TXLNB: variants seen among roughly 807,000 people sequenced by gnomAD.
The protein encoded by TXLNB is beta-taxilin.
A neutral mutation model predicts 57.4 loss-of-function variants in TXLNB; 37 were observed. The ratio of observed to expected loss-of-function variants is 0.64; its 90% CI spans 0.50 to 0.85. The LOEUF (loss-of-function observed/expected upper bound fraction) is 0.85. Ranked by LOEUF, TXLNB falls within the 40% of genes least tolerant of loss-of-function variation. The probability of loss-of-function intolerance (pLI) is 0.00; values close to 1 mark genes in which losing one functional copy is unlikely to be tolerated. For synonymous variants in TXLNB, 302 were observed against 309.6 expected (o/e 0.98, Z 0.26); for missense variants, 848 against 825.6 (o/e 1.03, Z -0.33).
the TXLNB span, among the ~76,000 whole-genome samples, chr6:139,226,074 G>A: frequency 6.6e-6 from 1 of 151,668 alleles, no homozygotes; most frequent in African/African-American, 2.4e-5. Context: ...TGAGGCATGT[G>A]GATCGCTGGA....
chr6:139,213,385 C>T, the TXLNB span, among the ~76,000 whole-genome samples: 3 of 152,086 alleles, frequency 2.0e-5, no homozygotes, highest in Non-Finnish European at 4.4e-5. Context: ...CTACTGGGTA[C>T]ATAACGAAAT....
chr6:139,247,945 C>T (rs537197449), intron 7 of TXLNB, 36 bp from the exon 8 acceptor site: 1 of 1,257,512 alleles, frequency 8.0e-7, no homozygotes, highest in African/African-American at 1.5e-5. Context: ...TTTCAGAATA[C>T]TTCCAGAAGA....
chr6:139,316,349 C>A, the TXLNB span, among the ~76,000 whole-genome samples: 3 of 151,552 alleles, frequency 2.0e-5, no homozygotes, highest in Non-Finnish European at 4.4e-5. Context: ...TTTCTTATCC[C>A]TCCCCTCCCA....
the TXLNB span, among the ~76,000 whole-genome samples, chr6:139,173,037 T>A: frequency 6.6e-6 from 1 of 152,222 alleles, no homozygotes; most frequent in Non-Finnish European, 1.5e-5. Flanking sequence ...GGGAATTGCA[T>A]TGAGTATGCA....
the TXLNB span, among the ~76,000 whole-genome samples, chr6:139,213,242 G>A: frequency 6.6e-6 from 1 of 152,148 alleles, no homozygotes; most frequent in Non-Finnish European, 1.5e-5. Context: ...ACACTCCTCA[G>A]CAAATGTAAA....
the TXLNB span, chr6:139,203,673 A>G: frequency 3.3e-5 from 5 of 152,222 alleles, no homozygotes; most frequent in African/African-American, 1.2e-4. Context: ...TCAGCAGTCT[A>G]ACAATTCTCC....
the TXLNB span, among the ~76,000 whole-genome samples, chr6:139,161,683 C>T: frequency 2.6e-5 from 4 of 152,206 alleles, no homozygotes; most frequent in African/African-American, 9.6e-5. Flanking sequence ...AAGTCAGTCT[C>T]AACATTTACA....
At chr6:139,279,824 T>G (rs1016466401) in intron 2 of TXLNB, among the ~76,000 whole-genome samples, 7 of 152,132 alleles carry the variant, frequency 4.6e-5, no homozygotes, top group Non-Finnish European at 1.0e-4. Flanking sequence ...TAGGAAGGCA[T>G]GTGGGCATGT....
rs1775989263 is a variant in TXLNB at position 139,243,076 on chromosome 6, T to C, written c.1505A>G (p.Asn502Ser). The C allele has an allele frequency of 6.2e-7, 1 of 1,614,014 alleles. No homozygotes were observed. Among genetic ancestry groups the C allele is most frequent in the Non-Finnish European group, 8.5e-7 (1 of 1,180,020 alleles). The change falls in exon 10 of 10, where the codon AAT becomes AGT. Residue 502 changes from asparagine to serine, a missense_variant. Coordinates refer to ENST00000358430, the MANE Select transcript of TXLNB (RefSeq NM_153235.4). ...EVNSVQTAVK[N>S]LATAFMIIHH... ...AATTATCATGAAGGCTGTGGCCAGATTTTTCACGGCGGTTTGGACACTATT... is the reference window on the plus strand; with the variant it reads ...AATTATCATGAAGGCTGTGGCCAGACTTTTCACGGCGGTTTGGACACTATT...
At chr6:139,217,151 G>A in the TXLNB span, among the ~76,000 whole-genome samples, 1 of 152,178 alleles carries the variant, frequency 6.6e-6, no homozygotes, top group Non-Finnish European at 1.5e-5. Context: ...TGTCCAGGGT[G>A]GTGTGTGCCT....
the TXLNB span, among the ~76,000 whole-genome samples, chr6:139,312,973 T>C: frequency 1.3e-5 from 2 of 152,232 alleles, no homozygotes; most frequent in African/African-American, 2.4e-5. Flanking sequence ...AAGATGGTAT[T>C]GAAGCCCAAA....
upstream of TXLNB, among the ~76,000 whole-genome samples, chr6:139,292,907 A>G (rs1011798664): frequency 6.6e-5 from 10 of 152,186 alleles, no homozygotes; most frequent in Non-Finnish European, 1.5e-4. The surrounding 1 kb of genome is among the most constrained non-coding windows in gnomAD (Gnocchi z 4.0). Context: ...CTCTGGGGAC[A>G]GGCTAGGCAT....
the TXLNB span, among the ~76,000 whole-genome samples, chr6:139,306,344 G>C: frequency 2.6e-5 from 4 of 152,148 alleles, no homozygotes; most frequent in African/African-American, 9.7e-5. Flanking sequence ...TGATGTTTTT[G>C]ATGTTTATTC....
rs1776967943 is a variant in TXLNB at position 139,278,791 on chromosome 6, G to T, written c.425-1870C>A. ...GAGGCTAAGGCGGGCGGATCACGAG[G>T]TCAGGAGATCAAGACCATCCTGGCC... On this transcript the variant is annotated intron_variant, in intron 2 of 9. Transcript: ENST00000358430. Among the ~76,000 whole-genome samples, 3 of 152,298 alleles carry T rather than the reference G, an allele frequency of 2.0e-5. No homozygotes were observed. The South Asian group carries it at 6.2e-4, about 32-fold the overall frequency.
chr6:139,272,904 G>A (rs1237398153), intron 3 of TXLNB, among the ~76,000 whole-genome samples: 1 of 151,922 alleles, frequency 6.6e-6, no homozygotes, highest in Non-Finnish European at 1.5e-5. Flanking sequence ...CCTAGGGGCG[G>A]GTGCCTGTAA....
At chr6:139,257,352 T>C (rs1776370743) in intron 6 of TXLNB, among the ~76,000 whole-genome samples, 1 of 152,222 alleles carries the variant, frequency 6.6e-6, no homozygotes, top group Non-Finnish European at 1.5e-5. Context: ...TTGCATTTGG[T>C]CTTTCAAAGC....
At chr6:139,250,107 T>A (rs1776160380) in intron 7 of TXLNB, among the ~76,000 whole-genome samples, 1 of 150,068 alleles carries the variant, frequency 6.7e-6, no homozygotes, top group Non-Finnish European at 1.5e-5. Flanking sequence ...CTCAACCTCC[T>A]GGGCTTAAGG....
rs776299210 is a variant in TXLNB, at chr6:139,242,714, G to A, written c.1867C>T (p.Leu623=). 9 of 1,612,472 alleles carry A rather than the reference G, an allele frequency of 5.6e-6. No homozygotes were observed. Among genetic ancestry groups the A allele is most frequent in the South Asian group, 3.3e-5 (3 of 91,042 alleles). ...GGCACATCTGCCTCCATCTTCTGTAGGGAGGCCTCGGTGGGAGCCTGTGGG... is the reference window on the plus strand; with the variant it reads ...GGCACATCTGCCTCCATCTTCTGTAAGGAGGCCTCGGTGGGAGCCTGTGGG... The part of the protein sequence containing the change: ...QAPQAPTEAS[L]QKMEADVPAP... The change falls in exon 10 of 10, where the codon CTA becomes TTA. Residue 623 remains leucine (L), a synonymous_variant. Coordinates refer to ENST00000358430, the MANE Select transcript of TXLNB (RefSeq NM_153235.4).
chr6:139,312,611 G>A, the TXLNB span, among the ~76,000 whole-genome samples: 1 of 152,128 alleles, frequency 6.6e-6, no homozygotes, highest in South Asian at 2.1e-4. Context: ...CCCTAGGCCT[G>A]AGTGGAGTTA....
Sources: gnomAD v4.1 joint callset for allele counts (sites outside exome capture counted in the v4.1 genomes callset) on GRCh38, gnomAD v4.1.1 for gene constraint, Gnocchi (gnomAD v3.1) non-coding constraint, MANE v1.5 for transcripts, NCBI Gene and HGNC (gene_info 2026-07-23, HGNC 2026-07-21) for gene names.